Variants in PSG2 observed in about 807,000 individuals in gnomAD.
PSG2 encodes the protein pregnancy-specific beta-1-glycoprotein 2.
A neutral mutation model predicts 36.2 loss-of-function variants in PSG2; 49 were observed. The ratio of observed to expected loss-of-function variants is 1.35; its 90% CI spans 1.08 to 1.72. The LOEUF is 1.72. Ranked by LOEUF, PSG2 falls within the 40% of genes most tolerant of loss-of-function variation. The pLI, the probability that PSG2 is intolerant of heterozygous loss-of-function variation, is 0.00. For synonymous variants in PSG2, 261 were observed against 155.6 expected (o/e 1.68, Z -5.04); for missense variants, 605 against 407.2 (o/e 1.49, Z -4.18).
chr19:43,076,898 C>T (rs1967904660), intron 2 of PSG2, among the ~76,000 whole-genome samples: 1 of 151,564 alleles, frequency 6.6e-6, no homozygotes, highest in African/African-American at 2.4e-5. Flanking sequence ...TTAAAATCCA[C>T]AATGCGCCAG....
At chr19:43,074,871 G>A (rs116427547) in intron 3 of PSG2, among the ~76,000 whole-genome samples, 15,214 of 151,458 alleles carry the variant, frequency 0.1, 1,020 homozygotes, top group Admixed American at 0.15. Context: ...CAGTGGGTGA[G>A]TGTCTGTGAG....
At chr19:43,082,379 A>G in intron 1 of PSG2, 127 bp downstream of exon 1, 1 of 1,433,560 alleles carries the variant, frequency 7.0e-7, no homozygotes, top group Non-Finnish European at 9.7e-7. Flanking sequence ...TGATCTCGTG[A>G]TCCACCCACC....
At chr19:43,080,820 G>A in intron 2 of PSG2, 61 bp downstream of exon 2, 1 of 1,611,922 alleles carries the variant, frequency 6.2e-7, no homozygotes. Context: ...ACAATCCTGT[G>A]TGTGTGAAGT....
Position 43,082,621 on chromosome 19 carries a change from A to C in PSG2, c.-52T>G, listed in dbSNP as rs3746097. 2.5e-6 allele frequency: 4 copies of C among 1,600,512 alleles called. No individual in the cohort carries two copies. Among genetic ancestry groups the C allele is most frequent in the African/African-American group, 2.7e-5 (2 of 73,666 alleles). On this transcript the variant is annotated 5_prime_UTR_variant, in exon 1 of 6. Coordinates refer to ENST00000406487, the MANE Select transcript of PSG2 (RefSeq NM_031246.4). Reference sequence around the variant, plus strand: ...CTGTGGAGATGAGCCTAGGATCCAGAAACTTCCTGAGCACGGCTGTCAGCT... The same window carrying C: ...CTGTGGAGATGAGCCTAGGATCCAGCAACTTCCTGAGCACGGCTGTCAGCT...
chr19:43,078,340 A>G (rs915479600), intron 2 of PSG2, among the ~76,000 whole-genome samples: 7 of 151,846 alleles, frequency 4.6e-5, no homozygotes, highest in African/African-American at 1.5e-4. Flanking sequence ...GAATTCTGCT[A>G]AATTGTTGTC....
chr19:43,067,346 T>C (rs1282326427), intron 4 of PSG2, among the ~76,000 whole-genome samples: 3 of 151,310 alleles, frequency 2.0e-5, no homozygotes, highest in South Asian at 4.2e-4. Context: ...AGTTGGTAAA[T>C]ACTAACATAC....
intron 4 of PSG2, among the ~76,000 whole-genome samples, chr19:43,071,400 A>G (rs1967813929): frequency 6.6e-6 from 1 of 151,562 alleles, no homozygotes; most frequent in Admixed American, 6.6e-5. Context: ...AAGCAACTTG[A>G]TCTTGAGGAC....
chr19:43,076,169 G>A (rs1270493111), intron 2 of PSG2, among the ~76,000 whole-genome samples: 1 of 151,684 alleles, frequency 6.6e-6, no homozygotes, highest in African/African-American at 2.4e-5. Flanking sequence ...GGAGACCAGA[G>A]TCAAGCCTGG....
chr19:43,076,830 T>TG (rs1335615308), intron 2 of PSG2, among the ~76,000 whole-genome samples: 1 of 151,516 alleles, frequency 6.6e-6, no homozygotes, highest in Non-Finnish European at 1.5e-5. Context: ...TTTCTAATTT[T>TG]TTTATTTTGG....
chr19:43,082,662 C>T lies in PSG2; in HGVS notation c.-93G>A. The T allele has an allele frequency of 2.6e-6, 4 of 1,550,094 alleles. 1 individual carries two copies. Among genetic ancestry groups the T allele is most frequent in the South Asian group, 1.2e-5 (1 of 86,164 alleles). On this transcript the variant is annotated 5_prime_UTR_variant, in exon 1 of 6. Coordinates refer to ENST00000406487, the MANE Select transcript of PSG2 (RefSeq NM_031246.4). Reference sequence around the variant, plus strand: ...GCTGTCAGCTGTGCTGTCCTTCCTCCTTCTGCACTGAGCCTCTTCCTGGGG... The same window carrying T: ...GCTGTCAGCTGTGCTGTCCTTCCTCTTTCTGCACTGAGCCTCTTCCTGGGG...
chr19:43,081,152 T>G lies in PSG2; in HGVS notation c.159A>C (p.Leu53=), dbSNP rs781497357. The G allele has an allele frequency of 3.7e-6, 6 of 1,612,840 alleles. No homozygotes were observed. The East Asian group carries it at 1.3e-4, about 36-fold the overall frequency. Residue 53 remains leucine, a synonymous_variant, in exon 2 of 6, where the codon CTA becomes CTC. Transcript: ENST00000406487. ...GATTCTGGGGCAAATTGTGGACAAG[T>G]AGAAGAACATCCTTCCCCTCGGAAA... The part of the protein sequence containing the change: ...PKVSEGKDVL[L]LVHNLPQNLT...
intron 1 of PSG2, chr19:43,081,652 T>C (rs1333249197): frequency 4.9e-6 from 1 of 202,058 alleles, no homozygotes; most frequent in African/African-American, 2.3e-5. Context: ...CTCTGCTCCC[T>C]AAAGGGTTCT....
chr19:43,066,331 A>G (rs1967738743), intron 5 of PSG2, among the ~76,000 whole-genome samples, 186 bp downstream of exon 5: 1 of 151,670 alleles, frequency 6.6e-6, no homozygotes, highest in Non-Finnish European at 1.5e-5. Context: ...TGTCTAAAAG[A>G]CAGTGGGGTA....
At chr19:43,078,567 C>A (rs1269919722) in intron 2 of PSG2, among the ~76,000 whole-genome samples, 2 of 151,590 alleles carry the variant, frequency 1.3e-5, no homozygotes, top group Non-Finnish European at 2.9e-5. Flanking sequence ...GAGGCGGATT[C>A]CAGCACAAAC....
At position 43,075,527 on chromosome 19, in the gene PSG2, T is replaced by A. The variant is rs1058086; in HGVS notation, c.536A>T (p.Gln179Leu). ...CDPETPDTSYQWWMNGQSLPM... is the reference protein window; with the variant it reads ...CDPETPDTSYLWWMNGQSLPM... The stretch of plus-strand genomic sequence containing the variant: ...GAGGCTCTGACCATTCATCCACCAC[T>A]GGTAGCTTGTGTCCGGAGTCTCAGG... Residue 179 changes from glutamine (Q) to leucine (L), a missense_variant, in exon 3 of 6, where the codon CAG becomes CTG. Transcript: ENST00000406487. 0.11 allele frequency: 183,893 copies of A among 1,613,062 alleles called. 12,552 individuals carry two copies. The highest frequency in any genetic ancestry group is 0.19 in the Admixed American group (11,162 of 59,924).
intron 4 of PSG2, among the ~76,000 whole-genome samples, chr19:43,067,988 T>G (rs1344251719): frequency 4.0e-5 from 6 of 151,412 alleles, no homozygotes; most frequent in Middle Eastern, 3.4e-3. Flanking sequence ...TAATAAGGAT[T>G]AGAGTGGACA....
At chr19:43,074,921 G>GTA (rs61135205) in intron 3 of PSG2, among the ~76,000 whole-genome samples, 44,744 of 151,212 alleles carry the variant, frequency 0.3, 8,688 homozygotes, top group African/African-American at 0.53. Context: ...GGTAATAGGT[G>GTA]TGAGGAAGAA....
In PSG2 at chr19:43,081,828, A is replaced by G. The variant is rs1478266393; in HGVS notation, c.65-582T>C. 7.5e-4 allele frequency: 105 copies of G among 139,454 alleles called. 1 individual carries two copies. Among genetic ancestry groups the G allele is most frequent in the Non-Finnish European group, 1.2e-3 (79 of 66,978 alleles). The allele number at this position is 139,454 out of a possible 1,614,324, so 8.6% of individuals were successfully genotyped here. A position where few individuals can be genotyped will look rare whatever the true frequency, so the allele number is the denominator to read the frequency against. ...TGTGAGACTTCTCAGGGCCCTCCAC[A>G]CCCTTGGTGTTTTTTTTTTTCTCCC... On this transcript the variant is annotated intron_variant, in intron 1 of 5. Coordinates refer to ENST00000406487, the MANE Select transcript of PSG2 (RefSeq NM_031246.4).
At chr19:43,068,235 G>T (rs1401659697) in intron 4 of PSG2, among the ~76,000 whole-genome samples, 1 of 151,310 alleles carries the variant, frequency 6.6e-6, no homozygotes, top group African/African-American at 2.4e-5. Flanking sequence ...CAGGTGTTTG[G>T]ACCAGCATAG....
Sources: gnomAD v4.1 joint callset for allele counts (sites outside exome capture counted in the v4.1 genomes callset) on GRCh38, gnomAD v4.1.1 for gene constraint, MANE v1.5 for transcripts, NCBI Gene and HGNC (gene_info 2026-07-23, HGNC 2026-07-21) for gene names.